The following PASK variants were observed in gnomAD, a reference collection of about 807,000 sequenced individuals.
The protein encoded by PASK is PAS domain-containing serine/threonine-protein kinase.
PASK carries 110 observed loss-of-function variants against 121.0 expected under a neutral mutation model. That is an observed-to-expected ratio of 0.91 (90% CI 0.78 to 1.06). PASK has a LOEUF of 1.06. Among genes scored for constraint, PASK ranks in the 50% least tolerant of loss-of-function variants. The pLI is 0.00. For synonymous variants in PASK, 686 were observed against 717.8 expected (o/e 0.96, Z 0.71); for missense variants, 1,643 against 1,702.3 (o/e 0.97, Z 0.61).
chr2:241,107,677 CCT>C (rs2064945865), intron 16 of PASK, among the ~76,000 whole-genome samples, 178 bp from the exon 17 acceptor site: 1 of 152,224 alleles, frequency 6.6e-6, no homozygotes, highest in Non-Finnish European at 1.5e-5. Flanking sequence ...ACATTCATTG[CCT>C]CTGAAATGAA....
intron 12 of PASK, among the ~76,000 whole-genome samples, chr2:241,119,721 T>C (rs1381760100): frequency 2.0e-5 from 3 of 152,126 alleles, no homozygotes; most frequent in Non-Finnish European, 2.9e-5. Context: ...CCACCTGCCT[T>C]GGCCTCCCAA....
At position 241,108,405 on chromosome 2, in the gene PASK, G is replaced by T; in HGVS notation, c.3534-105C>A. 3 of 1,192,180 alleles carry T rather than the reference G, an allele frequency of 2.5e-6. No individual in the cohort carries two copies. Among genetic ancestry groups the T allele is most frequent in the African/African-American group, 1.5e-5 (1 of 65,528 alleles). The allele number at this position is 1,192,180 out of a possible 1,614,324, so 73.9% of individuals were successfully genotyped here. On this transcript the variant is annotated intron_variant, in intron 15 of 17. Coordinates refer to ENST00000234040, the MANE Select transcript of PASK (RefSeq NM_015148.4). This position sits in a 1 kb window ranked among gnomAD's most constrained non-coding sequence, Gnocchi z 5.2. ...CCTTCCCGACCAGCACACAGGCCAG[G>T]CAGTGGTTTCCCAAGAGGAGGGTCA...
Position 241,135,792 on chromosome 2 carries a change from C to G in PASK, c.1306+79G>C, listed in dbSNP as rs2066390414. On this transcript the variant is annotated intron_variant, in intron 8 of 17. Transcript: ENST00000234040. ...TGGAGGGACAATAGCTCCTGCTCCT[C>G]CCAGCCCTGTCTCAGAGGCATGGGG... 4.3e-6 allele frequency: 6 copies of G among 1,386,234 alleles called. No homozygotes were observed. The South Asian group carries it at 4.6e-5, about 11-fold the overall frequency. The allele number at this position is 1,386,234 out of a possible 1,614,324, so 85.9% of individuals were successfully genotyped here. A position where few individuals can be genotyped will look rare whatever the true frequency, so the allele number is the denominator to read the frequency against.
Position 241,121,890 on chromosome 2 carries a change from A to T in PASK, c.3072+842T>A, listed in dbSNP as rs111319459. 2.1e-3 allele frequency among the ~76,000 whole-genome samples: 316 copies of T among 152,364 alleles called. 1 individual carries two copies. Among genetic ancestry groups the T allele is most frequent in the African/African-American group, 7.1e-3 (297 of 41,590 alleles). ...AACAAGCAAATCCACAAGTATAGGT[A>T]GAGACTTCAAAACATAATACAAGCA... is the stretch of plus-strand genomic sequence containing the variant. On this transcript the variant is annotated intron_variant, in intron 12 of 17. Coordinates refer to ENST00000234040, the MANE Select transcript of PASK (RefSeq NM_015148.4).
intron 12 of PASK, among the ~76,000 whole-genome samples, chr2:241,122,485 G>A (rs756096571): frequency 3.6e-4 from 55 of 152,228 alleles, no homozygotes; most frequent in Admixed American, 2.7e-3. Flanking sequence ...GGCAGGAGGC[G>A]AAGCCCTGAG....
chr2:241,119,033 G>A, intron 12 of PASK: 3 of 723,636 alleles, frequency 4.1e-6, no homozygotes, highest in Non-Finnish European at 5.1e-6. Flanking sequence ...TCCCAGCCCT[G>A]AGGCCCACCC....
At chr2:241,113,012 A>G (rs2065171011) in intron 14 of PASK, among the ~76,000 whole-genome samples, 1 of 152,224 alleles carries the variant, frequency 6.6e-6, no homozygotes, top group African/African-American at 2.4e-5. Context: ...ATGTGTGGCT[A>G]CTCAATGATG....
Position 241,108,127 on chromosome 2 carries a change from G to A in PASK, c.3667+40C>T, listed in dbSNP as rs1313454954. 1 of 1,610,644 alleles carries A rather than the reference G, an allele frequency of 6.2e-7. No homozygotes were observed. Among genetic ancestry groups the A allele is most frequent in the Non-Finnish European group, 8.5e-7 (1 of 1,176,924 alleles). ...GGAAAAAAAAGTGGCTGGTCTCTAA[G>A]GACAGTGTCGACTGTCTACCACTTG... is the stretch of plus-strand genomic sequence containing the variant. On this transcript the variant is annotated intron_variant, in intron 16 of 17. Coordinates refer to ENST00000234040, the MANE Select transcript of PASK (RefSeq NM_015148.4). The surrounding 1 kb of genome is among the most constrained non-coding windows in gnomAD (Gnocchi z 5.2).
Position 241,125,340 on chromosome 2 carries a change from C to G in PASK, c.2719+856G>C, listed in dbSNP as rs532142828. Among the ~76,000 whole-genome samples the G allele has an allele frequency of 9.7e-5, 14 of 143,966 alleles. 1 individual carries two copies. The highest frequency in any genetic ancestry group is 3.5e-4 in the African/African-American group (12 of 34,454). The allele number at this position is 143,966 out of a possible 152,430, so 94.4% of individuals were successfully genotyped here. On this transcript the variant is annotated intron_variant, in intron 10 of 17. Coordinates refer to ENST00000234040, the MANE Select transcript of PASK (RefSeq NM_015148.4). ...AATAGGCCGGGCACGGTGGCTCACA[C>G]CTGTAATCCCAGCATTTTGGGAAGC... is the stretch of plus-strand genomic sequence containing the variant.
intron 17 of PASK, 87 bp from the exon 18 acceptor site, chr2:241,106,810 C>A: frequency 7.3e-7 from 1 of 1,367,624 alleles, no homozygotes. Flanking sequence ...AGTCCTAGAA[C>A]AAAAGCCTAA....
intron 9 of PASK, among the ~76,000 whole-genome samples, chr2:241,130,787 T>C (rs1411810739): frequency 1.3e-5 from 2 of 148,320 alleles, no homozygotes; most frequent in Non-Finnish European, 1.5e-5. Flanking sequence ...AAGTGGCCCA[T>C]GAGCTAGGGT....
At chr2:241,149,566 C>A, upstream of PASK, 1 of 1,308,446 alleles carries the variant, frequency 7.6e-7, no homozygotes, top group South Asian at 1.3e-5. Flanking sequence ...ACTAAGCTAG[C>A]CAGAGTCTAG....
At chr2:241,132,497 C>G (rs1239244934) in intron 9 of PASK, among the ~76,000 whole-genome samples, 3 of 137,958 alleles carry the variant, frequency 2.2e-5, no homozygotes, top group Admixed American at 7.7e-5. Flanking sequence ...CCACTGCACT[C>G]CAGCCTGGGT....
upstream of PASK, chr2:241,149,903 A>G: frequency 1.4e-6 from 2 of 1,438,012 alleles, no homozygotes; most frequent in Non-Finnish European, 1.8e-6. Flanking sequence ...CACCAGCGCA[A>G]GTGCCCCGCA....
At chr2:241,141,206 G>A (rs1392024849) in intron 2 of PASK, among the ~76,000 whole-genome samples, 2 of 152,314 alleles carry the variant, frequency 1.3e-5, no homozygotes, top group East Asian at 1.9e-4. Context: ...AGGATTGCCT[G>A]AGCCCAGGAG....
intron 14 of PASK, chr2:241,114,308 C>G (rs1422377363): frequency 4.1e-6 from 4 of 985,294 alleles, no homozygotes; most frequent in Non-Finnish European, 3.6e-6. Flanking sequence ...AATGTTGATT[C>G]ACGGAAGCTG....
intron 8 of PASK, chr2:241,134,868 A>G (rs1161293676): frequency 6.6e-6 from 1 of 152,204 alleles, no homozygotes; most frequent in African/African-American, 2.4e-5. Context: ...GAACTCCAGA[A>G]CCACACCCAG....
Position 241,107,893 on chromosome 2 carries a change from G to C in PASK, c.3667+274C>G, listed in dbSNP as rs145275934. On this transcript the variant is annotated intron_variant, in intron 16 of 17. Coordinates refer to ENST00000234040, the MANE Select transcript of PASK (RefSeq NM_015148.4). ...GGGCCCCAGTTCCTTTAACCATGTA[G>C]GCACCAAGTCAACAGGGCCACTTGG... Among the ~76,000 whole-genome samples, 469 of 151,190 alleles carry C rather than the reference G, an allele frequency of 3.1e-3. 1 individual carries two copies. Among genetic ancestry groups the C allele is most frequent in the Middle Eastern group, 0.02 (6 of 294 alleles).
Position 241,122,861 on chromosome 2 carries a change from C to CT in PASK, c.2942dup (p.Ala982GlyfsTer11). On this transcript the variant is annotated frameshift_variant, in exon 12 of 18. Transcript: ENST00000234040. LOFTEE classifies it high-confidence loss of function. ...CCGCCAACCCCTCCAGTTCCACAGC[C>CT]TTGGGGGGCTCCTCAAACCAGGGTC... The CT allele has an allele frequency of 6.2e-7, 1 of 1,614,154 alleles. No individual in the cohort carries two copies. The highest frequency in any genetic ancestry group is 1.1e-5 in the South Asian group (1 of 91,082).
Sources: allele counts gnomAD v4.1 joint callset (sites outside exome capture counted in the v4.1 genomes callset), GRCh38; gene constraint gnomAD v4.1.1; non-coding constraint Gnocchi (gnomAD v3.1); transcripts MANE v1.5; gene names NCBI Gene and HGNC (gene_info 2026-07-23, HGNC 2026-07-21).